AKT3: variants seen among roughly 807,000 people sequenced by gnomAD.
AKT3 encodes the protein RAC-gamma serine/threonine-protein kinase.
A neutral mutation model predicts 65.3 loss-of-function variants in AKT3; 15 were observed. That is an observed-to-expected ratio of 0.23 (90% CI 0.15 to 0.35). The LOEUF (loss-of-function observed/expected upper bound fraction) is 0.35. Among genes scored for constraint, AKT3 ranks in the 10% least tolerant of loss-of-function variants. AKT3 has a pLI of 1.00. For synonymous variants in AKT3, 206 were observed against 183.8 expected, an observed-to-expected ratio of 1.12 and a Z score of -0.98; for missense variants, 243 against 576.5, an observed-to-expected ratio of 0.42 and a Z score of 5.92.
At chr1:243,707,608 GTTTT>G (rs1209860683) in intron 2 of AKT3, among the ~76,000 whole-genome samples, 4 of 151,834 alleles carry the variant, frequency 2.6e-5, no homozygotes, top group Admixed American at 6.6e-5. Context: ...ATTATTCTGG[GTTTT>G]TTTAATTTTA....
At chr1:243,830,997 C>T (rs957455722) in intron 2 of AKT3, among the ~76,000 whole-genome samples, 2 of 152,144 alleles carry the variant, frequency 1.3e-5, no homozygotes, top group Non-Finnish European at 2.9e-5. Context: ...CTGCCCTTAC[C>T]GAAACTCTCT....
chr1:243,517,385 G>A lies in AKT3; in HGVS notation c.1252-4959C>T, dbSNP rs147627393. Among the ~76,000 whole-genome samples, 307 of 152,246 alleles carry A rather than the reference G, an allele frequency of 2.0e-3. 1 individual carries two copies. The highest frequency in any genetic ancestry group is 3.1e-3 in the Non-Finnish European group (210 of 68,020). On this transcript the variant is annotated intron_variant, in intron 12 of 13. Coordinates refer to ENST00000673466, the MANE Select transcript of AKT3 (RefSeq NM_005465.7). The stretch of plus-strand genomic sequence containing the variant: ...CCTTACCAATTTCTCTCCAATTGCT[G>A]TATCAATTATTTGAAGATGGATATT...
intron 3 of AKT3, among the ~76,000 whole-genome samples, chr1:243,693,241 T>TATATATATATATA (rs1421255607): frequency 2.6e-4 from 10 of 38,256 alleles, no homozygotes; most frequent in African/African-American, 9.2e-4. Context: ...TAGCTACAAT[T>TATATATATATATA]TGATATATAT....
At chr1:243,641,737 C>A (rs1680409053) in intron 5 of AKT3, among the ~76,000 whole-genome samples, 1 of 152,030 alleles carries the variant, frequency 6.6e-6, no homozygotes, top group African/African-American at 2.4e-5. Flanking sequence ...GAGTTTGAGA[C>A]CAGCCTGGGC....
chr1:243,520,235 C>T (rs1670635393), intron 12 of AKT3, among the ~76,000 whole-genome samples: 1 of 152,164 alleles, frequency 6.6e-6, no homozygotes, highest in Admixed American at 6.5e-5. Context: ...GAAATTTGGA[C>T]ACCCAAGTAG....
At chr1:243,498,729 A>AATG (rs1668695046), downstream of AKT3, among the ~76,000 whole-genome samples, 1 of 152,218 alleles carries the variant, frequency 6.6e-6, no homozygotes, top group Admixed American at 6.5e-5. Context: ...TCCCCATGTT[A>AATG]ATGATGGCTT....
intron 2 of AKT3, among the ~76,000 whole-genome samples, chr1:243,813,434 A>T (rs191681206): frequency 7.9e-5 from 12 of 152,170 alleles, no homozygotes; most frequent in Admixed American, 7.8e-4. Context: ...AGTCACCACT[A>T]AAGAGCTTAC....
chr1:243,605,053 C>G (rs1055923263), intron 8 of AKT3, among the ~76,000 whole-genome samples: 1 of 152,136 alleles, frequency 6.6e-6, no homozygotes, highest in Non-Finnish European at 1.5e-5. Flanking sequence ...GAGACAGGGT[C>G]TCACTCTGTT....
At chr1:243,664,214 T>G (rs1025372893) in intron 4 of AKT3, among the ~76,000 whole-genome samples, 1 of 101,448 alleles carries the variant, frequency 9.9e-6, no homozygotes, top group Admixed American at 1.1e-4. Context: ...TTTTTTTTTT[T>G]GAGACAGAGT....
chr1:243,780,493 C>G (rs1299963038), intron 2 of AKT3, among the ~76,000 whole-genome samples: 1 of 151,232 alleles, frequency 6.6e-6, no homozygotes, highest in African/African-American at 2.4e-5. Context: ...AAGGAGGCAT[C>G]ATGTCTCAAA....
At chr1:243,633,732 C>T (rs1679775124) in intron 6 of AKT3, among the ~76,000 whole-genome samples, 1 of 151,888 alleles carries the variant, frequency 6.6e-6, no homozygotes, top group Non-Finnish European at 1.5e-5. Flanking sequence ...GGACAAAAAG[C>T]AATGAGGCAT....
intron 6 of AKT3, among the ~76,000 whole-genome samples, chr1:243,626,076 A>G (rs1679137551): frequency 6.6e-6 from 1 of 152,188 alleles, no homozygotes; most frequent in African/African-American, 2.4e-5. Flanking sequence ...CATCCTTAAT[A>G]TGCCCTTTAA....
At chr1:243,775,448 G>C (rs1690487045) in intron 2 of AKT3, among the ~76,000 whole-genome samples, 1 of 152,152 alleles carries the variant, frequency 6.6e-6, no homozygotes, top group Admixed American at 6.5e-5. Context: ...CCAAAGGGCT[G>C]GGATTACGGG....
At chr1:243,742,933 A>G (rs942882216) in intron 2 of AKT3, among the ~76,000 whole-genome samples, 4 of 152,050 alleles carry the variant, frequency 2.6e-5, no homozygotes, top group African/African-American at 9.7e-5. Flanking sequence ...AACAACAAAC[A>G]CTAGCTTATT....
intron 1 of AKT3, among the ~76,000 whole-genome samples, chr1:243,845,737 T>C (rs964579527): frequency 6.6e-6 from 1 of 152,046 alleles, no homozygotes; most frequent in Admixed American, 6.6e-5. Context: ...TAAAATGCAA[T>C]TGATATATGG....
At chr1:243,534,483 A>G (rs553492300) in intron 12 of AKT3, among the ~76,000 whole-genome samples, 3 of 152,256 alleles carry the variant, frequency 2.0e-5, no homozygotes, top group Non-Finnish European at 2.9e-5. Context: ...TGAACTAAAC[A>G]GCACCATCAA....
At chr1:243,627,607 C>T (rs1468782828) in intron 6 of AKT3, among the ~76,000 whole-genome samples, 18 of 152,154 alleles carry the variant, frequency 1.2e-4, no homozygotes, top group Admixed American at 1.2e-3. Context: ...CTAGGGCTAA[C>T]TTGAAAATAG....
chr1:243,763,981 G>A (rs894203570), intron 2 of AKT3, among the ~76,000 whole-genome samples: 1 of 152,034 alleles, frequency 6.6e-6, no homozygotes, highest in South Asian at 2.1e-4. Context: ...ACACCCTCCA[G>A]TGGCTGGCTC....
At chr1:243,788,436 G>C (rs528857081) in intron 2 of AKT3, among the ~76,000 whole-genome samples, 8 of 151,284 alleles carry the variant, frequency 5.3e-5, no homozygotes, top group South Asian at 2.1e-4. Flanking sequence ...GGGTATTCGT[G>C]GGGGGGACTG....
Sources: allele counts gnomAD v4.1 joint callset (sites outside exome capture counted in the v4.1 genomes callset), GRCh38; gene constraint gnomAD v4.1.1; transcripts MANE v1.5; gene names NCBI Gene and HGNC (gene_info 2026-07-23, HGNC 2026-07-21).